The following MRTFB variants were observed in gnomAD, a reference collection of about 807,000 sequenced individuals.
MRTFB encodes myocardin related transcription factor B.
A neutral mutation model predicts 104.2 loss-of-function variants in MRTFB; 29 were observed. That is an observed-to-expected ratio of 0.28 (90% CI 0.21 to 0.38). The LOEUF is 0.38. Ranked by LOEUF, MRTFB falls within the 10% of genes least tolerant of loss-of-function variation. The pLI, the probability that MRTFB is intolerant of heterozygous loss-of-function variation, is 1.00. For missense variants in MRTFB, 1,270 were observed against 1,341.6 expected (o/e 0.95, Z 0.83); for synonymous variants, 535 against 519.5 (o/e 1.03, Z -0.41).
chr16:14,119,789 G>C (rs1243852785), intron 2 of MRTFB, among the ~76,000 whole-genome samples: 2 of 152,142 alleles, frequency 1.3e-5, no homozygotes, highest in Non-Finnish European at 2.9e-5. Flanking sequence ...TAGTGTAGGA[G>C]TTTAGTCTAA....
chr16:14,236,612 C>T (rs2042524149), intron 9 of MRTFB, among the ~76,000 whole-genome samples: 1 of 152,008 alleles, frequency 6.6e-6, no homozygotes, highest in Non-Finnish European at 1.5e-5. Flanking sequence ...GGACAGAGAT[C>T]TGAAAGAATT....
At chr16:14,120,792 A>G (rs2036807033) in intron 2 of MRTFB, among the ~76,000 whole-genome samples, 1 of 152,108 alleles carries the variant, frequency 6.6e-6, no homozygotes, top group African/African-American at 2.4e-5. Flanking sequence ...TGGTTGTGCT[A>G]GGAAAGTAGG....
the MRTFB span, among the ~76,000 whole-genome samples, chr16:13,995,074 A>C: frequency 6.6e-6 from 1 of 152,100 alleles, no homozygotes; most frequent in Non-Finnish European, 1.5e-5. Context: ...ACAGATCTGT[A>C]AACTCTTTGT....
intron 10 of MRTFB, 102 bp downstream of exon 10, chr16:14,240,586 A>T (rs1029580106): frequency 3.2e-6 from 5 of 1,569,062 alleles, no homozygotes. Context: ...ATTTGTGCTC[A>T]GTAATGATTT....
chr16:14,006,250 G>A, the MRTFB span, among the ~76,000 whole-genome samples: 1 of 152,102 alleles, frequency 6.6e-6, no homozygotes, highest in Admixed American at 6.6e-5. Context: ...GGCTGAGGCA[G>A]GAGAACCACT....
the MRTFB span, among the ~76,000 whole-genome samples, chr16:14,024,345 T>G: frequency 6.6e-6 from 1 of 152,206 alleles, no homozygotes; most frequent in African/African-American, 2.4e-5. Context: ...AAAGCTAATG[T>G]CTCCTTTGGA....
rs7200132 is a variant in MRTFB at position 14,131,798 on chromosome 16, G to T, written c.-63-8746G>T. Among the ~76,000 whole-genome samples the T allele has an allele frequency of 2.5e-3, 377 of 151,980 alleles. 1 individual carries two copies. Among genetic ancestry groups the T allele is most frequent in the African/African-American group, 8.7e-3 (359 of 41,384 alleles). On this transcript the variant is annotated intron_variant, in intron 2 of 16. Transcript: ENST00000571589. ...TAATTTAAAAAAAAAAAGAGAGAAT[G>T]TGGAGAAGTTGGAACCCCAACTTTT...
the MRTFB span, among the ~76,000 whole-genome samples, chr16:14,032,467 T>C: frequency 2.0e-5 from 3 of 152,352 alleles, no homozygotes; most frequent in Non-Finnish European, 2.9e-5. Flanking sequence ...GAATTGAACT[T>C]GAATCCTTTA....
chr16:14,201,145 T>C (rs775848518), intron 3 of MRTFB, among the ~76,000 whole-genome samples: 43 of 152,356 alleles, frequency 2.8e-4, no homozygotes, highest in Non-Finnish European at 4.6e-4. Flanking sequence ...AAGTTTTTAT[T>C]TCCAGCAGTT....
chr16:14,122,564 TGA>T (rs2036906194), intron 2 of MRTFB, among the ~76,000 whole-genome samples: 1 of 152,338 alleles, frequency 6.6e-6, no homozygotes, highest in East Asian at 1.9e-4. Flanking sequence ...GTTAGTTTGC[TGA>T]GAGTGATGGT....
chr16:14,265,131 C>G lies in MRTFB; in HGVS notation c.*3687C>G, dbSNP rs373961328. 33 of 152,342 alleles carry G rather than the reference C, an allele frequency of 2.2e-4. No homozygotes were observed. Among genetic ancestry groups the G allele is most frequent in the African/African-American group, 6.7e-4 (28 of 41,578 alleles). The allele number at this position is 152,342 out of a possible 1,614,324, so 9.4% of individuals were successfully genotyped here. A position where few individuals can be genotyped will look rare whatever the true frequency, so the allele number is the denominator to read the frequency against. On this transcript the variant is annotated 3_prime_UTR_variant, in exon 17 of 17. Transcript: ENST00000571589. Reference sequence around the variant, plus strand: ...GACGGTAGCCTCACAGAAGTCCTGGCTGTCACTCAGGTGGGGAGCTCATGG... The same window carrying G: ...GACGGTAGCCTCACAGAAGTCCTGGGTGTCACTCAGGTGGGGAGCTCATGG...
intron 3 of MRTFB, among the ~76,000 whole-genome samples, chr16:14,205,795 G>A (rs1255585799): frequency 6.6e-6 from 1 of 152,170 alleles, no homozygotes; most frequent in African/African-American, 2.4e-5. Context: ...GGAAGATACT[G>A]TTACTCAACT....
At chr16:14,259,881 C>G (rs1215316657) in intron 16 of MRTFB, among the ~76,000 whole-genome samples, 3 of 152,222 alleles carry the variant, frequency 2.0e-5, no homozygotes, top group Non-Finnish European at 4.4e-5. Flanking sequence ...AAATGCAGTA[C>G]ACACAGTTGA....
At chr16:14,147,014 A>G (rs2038353165) in intron 3 of MRTFB, among the ~76,000 whole-genome samples, 1 of 152,248 alleles carries the variant, frequency 6.6e-6, no homozygotes, top group Non-Finnish European at 1.5e-5. Context: ...TATAACTGGA[A>G]GTATTAGAAA....
chr16:14,236,873 A>G (rs180843434), intron 9 of MRTFB, among the ~76,000 whole-genome samples: 1 of 152,216 alleles, frequency 6.6e-6, no homozygotes, highest in South Asian at 2.1e-4. Flanking sequence ...AGCAGGAGAC[A>G]GTGGCAGCTG....
At chr16:14,252,058 C>T in intron 14 of MRTFB, 35 bp downstream of exon 14, 1 of 1,603,706 alleles carries the variant, frequency 6.2e-7, no homozygotes, top group Non-Finnish European at 8.5e-7. Context: ...AGTGACAGTG[C>T]CGCAGGGGCA....
At chr16:14,179,556 CT>C (rs1358889907) in intron 3 of MRTFB, among the ~76,000 whole-genome samples, 2 of 152,136 alleles carry the variant, frequency 1.3e-5, no homozygotes, top group African/African-American at 4.8e-5. Flanking sequence ...TGTCCTAGTG[CT>C]TGTTCTACCA....
chr16:14,097,792 G>T (rs2035472334), intron 2 of MRTFB, among the ~76,000 whole-genome samples: 1 of 152,170 alleles, frequency 6.6e-6, no homozygotes, highest in Non-Finnish European at 1.5e-5. Context: ...CTGTAGATTA[G>T]TTTGCTTGTT....
chr16:14,203,743 G>T (rs1427296256), intron 3 of MRTFB, among the ~76,000 whole-genome samples: 1 of 146,180 alleles, frequency 6.8e-6, no homozygotes, highest in Admixed American at 7.0e-5. Flanking sequence ...GACAGAGGTT[G>T]CAGGGAGCTG....
Sources: gnomAD v4.1 joint callset for allele counts (sites outside exome capture counted in the v4.1 genomes callset) on GRCh38, gnomAD v4.1.1 for gene constraint, MANE v1.5 for transcripts, NCBI Gene and HGNC (gene_info 2026-07-23, HGNC 2026-07-21) for gene names.